Variants in SORCS1 observed in about 807,000 individuals in gnomAD.
SORCS1 encodes the protein VPS10 domain-containing receptor SorCS1.
A neutral mutation model predicts 146.1 loss-of-function variants in SORCS1; 60 were observed. That is an observed-to-expected ratio of 0.41 (90% CI 0.33 to 0.51). SORCS1 has a LOEUF of 0.51. Among genes scored for constraint, SORCS1 ranks in the 20% least tolerant of loss-of-function variants. The probability of loss-of-function intolerance (pLI) is 0.21; values close to 1 mark genes in which losing one functional copy is unlikely to be tolerated. For missense variants in SORCS1, 1,352 were observed against 1,487.6 expected, an observed-to-expected ratio of 0.91 and a Z score of 1.50; for synonymous variants, 637 against 584.0, an observed-to-expected ratio of 1.09 and a Z score of -1.31.
chr10:107,001,313 G>A lies in SORCS1; in HGVS notation c.559-44733C>T, dbSNP rs529574535. Among the ~76,000 whole-genome samples the A allele has an allele frequency of 2.0e-5, 3 of 152,278 alleles. No homozygotes were observed. The East Asian group carries it at 5.8e-4, about 29-fold the overall frequency. ...ATTACCTCTTTAGGCAGTGGGGAGT[G>A]CAATGGGAGGACTCTTGGCCAGGGA... On this transcript the variant is annotated intron_variant, in intron 1 of 25. Transcript: ENST00000263054.
chr10:106,980,369 C>G (rs923636073), intron 1 of SORCS1, among the ~76,000 whole-genome samples: 1 of 152,164 alleles, frequency 6.6e-6, no homozygotes, highest in Non-Finnish European at 1.5e-5. Context: ...CATGTTAAAC[C>G]AAGTTTGATG....
intron 18 of SORCS1, among the ~76,000 whole-genome samples, chr10:106,641,383 T>C (rs1849060935): frequency 1.3e-5 from 2 of 152,310 alleles, no homozygotes; most frequent in South Asian, 2.1e-4. Context: ...CTAGTATCAG[T>C]GTACCTAGCC....
chr10:106,597,423 T>A lies in SORCS1; in HGVS notation c.3193A>T (p.Asn1065Tyr). ...AGCTCGAAGTGTACTGAGTTTTGGT[T>A]GAGCGTGTGGATCAGCAATTCTGAT... Reference protein sequence around the residue: ...QISELLIHTLNQNSVHFELKP... With the variant: ...QISELLIHTLYQNSVHFELKP... The change falls in exon 24 of 26, where the codon AAC (asparagine) becomes TAC (tyrosine). Residue 1065 changes from asparagine (N) to tyrosine (Y), a missense_variant. Around this residue, in one of 3 missense-constraint regions of SORCS1, gnomAD observed 214 missense variants for 204.8 expected, o/e 1.05. Coordinates refer to ENST00000263054, the MANE Select transcript of SORCS1 (RefSeq NM_052918.5). The A allele has an allele frequency of 6.2e-7, 1 of 1,613,938 alleles. No homozygotes were observed. The highest frequency in any genetic ancestry group is 8.5e-7 in the Non-Finnish European group (1 of 1,179,854).
chr10:106,967,932 T>C (rs1216135974), intron 1 of SORCS1, among the ~76,000 whole-genome samples: 1 of 148,918 alleles, frequency 6.7e-6, no homozygotes, highest in Admixed American at 6.7e-5. Flanking sequence ...ATGCCGGGTG[T>C]GGTGGCTCAC....
At chr10:106,967,823 A>G (rs367553410) in intron 1 of SORCS1, among the ~76,000 whole-genome samples, 55 of 152,236 alleles carry the variant, frequency 3.6e-4, no homozygotes, top group Admixed American at 5.9e-4. Context: ...CAAACACAGA[A>G]AATGCACAGA....
chr10:107,053,674 G>A (rs1344718199), intron 1 of SORCS1, among the ~76,000 whole-genome samples: 2 of 152,092 alleles, frequency 1.3e-5, no homozygotes, highest in East Asian at 1.9e-4. Flanking sequence ...ATCTGCCTGG[G>A]GTAAAAGAAG....
intron 6 of SORCS1, among the ~76,000 whole-genome samples, chr10:106,729,715 T>G (rs892690857): frequency 2.6e-5 from 4 of 152,182 alleles, no homozygotes; most frequent in African/African-American, 9.7e-5. Context: ...TATTTATATT[T>G]ACAAATATAT....
intron 2 of SORCS1, among the ~76,000 whole-genome samples, chr10:106,881,076 CAAAAAAA>C (rs59128024): frequency 1.4e-5 from 1 of 69,168 alleles, no homozygotes; most frequent in Non-Finnish European, 2.7e-5. Context: ...GACTCTGTCT[CAAAAAAA>C]AAAAAAAAAA....
At chr10:107,033,267 C>A (rs1958749364) in intron 1 of SORCS1, among the ~76,000 whole-genome samples, 1 of 152,160 alleles carries the variant, frequency 6.6e-6, no homozygotes, top group African/African-American at 2.4e-5. Flanking sequence ...CAAAGGGGAA[C>A]CTCACCCCCA....
At chr10:107,072,569 C>T (rs1446291739) in intron 1 of SORCS1, among the ~76,000 whole-genome samples, 2 of 151,726 alleles carry the variant, frequency 1.3e-5, no homozygotes, top group Non-Finnish European at 2.9e-5. Flanking sequence ...ATACATATAT[C>T]TTCATATACT....
rs766818370 is a variant in SORCS1, at chr10:106,970,336, C to CTTTTTTTTTTTTTTTTT, written c.559-13773_559-13757dup. 1.5e-3 allele frequency among the ~76,000 whole-genome samples: 136 copies of CTTTTTTTTTTTTTTTTT among 89,412 alleles called. 14 individuals carry two copies. Among genetic ancestry groups the CTTTTTTTTTTTTTTTTT allele is most frequent in the Non-Finnish European group, 1.7e-3 (88 of 50,594 alleles). The allele number at this position is 89,412 out of a possible 152,430, so 58.7% of individuals were successfully genotyped here. On this transcript the variant is annotated intron_variant, in intron 1 of 25. Transcript: ENST00000263054. ...TTCCCTCCAAATGTAACCAACATCT[C>CTTTTTTTTTTTTTTTTT]TTTTTTTTTTTTTTTTTTTGAGATG...
At position 106,574,203 on chromosome 10, in the gene SORCS1, C is replaced by T. The variant is rs1177493152; in HGVS notation, c.*3217G>A. On this transcript the variant is annotated 3_prime_UTR_variant, in exon 26 of 26. Coordinates refer to ENST00000263054, the MANE Select transcript of SORCS1 (RefSeq NM_052918.5). The stretch of plus-strand genomic sequence containing the variant: ...ACTTCTGAAAAAAAAGCAAAGCAAA[C>T]CTCTGCATTTTGGACAGTGAATCCA... 6.6e-6 allele frequency: 1 copy of T among 152,546 alleles called. No individual in the cohort carries two copies. The highest frequency in any genetic ancestry group is 1.5e-5 in the Non-Finnish European group (1 of 68,030). The allele number at this position is 152,546 out of a possible 1,614,324, so 9.4% of individuals were successfully genotyped here.
intron 8 of SORCS1, among the ~76,000 whole-genome samples, chr10:106,705,345 A>G (rs1854441733): frequency 6.6e-6 from 1 of 152,150 alleles, no homozygotes; most frequent in Admixed American, 6.5e-5. Flanking sequence ...GAAGGGTGGT[A>G]GCCAAGAAAG....
Position 107,016,803 on chromosome 10 carries a change from T to C in SORCS1, c.559-60223A>G, listed in dbSNP as rs1047396725. Among the ~76,000 whole-genome samples, 16 of 152,156 alleles carry C rather than the reference T, an allele frequency of 1.1e-4. No individual in the cohort carries two copies. In the East Asian group the frequency reaches 2.7e-3, roughly 26 times the overall value. ...AGTAATAGATGACTCATACCATAAA[T>C]ATATAAAGAATCCTTCAATCAAAAG... On this transcript the variant is annotated intron_variant, in intron 1 of 25. Transcript: ENST00000263054.
At chr10:106,863,423 A>C (rs1230808935) in intron 2 of SORCS1, among the ~76,000 whole-genome samples, 2 of 151,842 alleles carry the variant, frequency 1.3e-5, no homozygotes, top group East Asian at 3.9e-4. Context: ...TACTCAGGAC[A>C]CTGAGGCAAG....
At chr10:107,008,387 A>G (rs7904421) in intron 1 of SORCS1, among the ~76,000 whole-genome samples, 23,164 of 152,202 alleles carry the variant, frequency 0.15, 5,776 homozygotes, top group African/African-American at 0.52. Flanking sequence ...TCTCTGGGAC[A>G]ACTAAACATG....
rs548518408 is a variant in SORCS1, at chr10:106,582,504, T to C, written c.3266-3030A>G. On this transcript the variant is annotated intron_variant, in intron 24 of 25. Coordinates refer to ENST00000263054, the MANE Select transcript of SORCS1 (RefSeq NM_052918.5). ...GGTGCCTGAGTATAAAGGGACCTAT[T>C]ATTGCTCCATACAACAGCAGCTGCA... 9.2e-5 allele frequency among the ~76,000 whole-genome samples: 14 copies of C among 152,272 alleles called. No individual in the cohort carries two copies. In the East Asian group the frequency reaches 2.1e-3, roughly 23 times the overall value.
At chr10:106,982,042 A>C (rs983087553) in intron 1 of SORCS1, among the ~76,000 whole-genome samples, 1 of 152,208 alleles carries the variant, frequency 6.6e-6, no homozygotes, top group African/African-American at 2.4e-5. Flanking sequence ...AGGCATCCAT[A>C]CATTAGCCGA....
chr10:106,608,831 T>C (rs983614317), intron 22 of SORCS1, among the ~76,000 whole-genome samples: 1 of 152,166 alleles, frequency 6.6e-6, no homozygotes, highest in African/African-American at 2.4e-5. Flanking sequence ...TGTAGGCCCA[T>C]GACAACTTCA....
Sources: gnomAD v4.1 joint callset for allele counts (sites outside exome capture counted in the v4.1 genomes callset) on GRCh38, gnomAD v4.1.1 for gene constraint, gnomAD v4.1.1 regional missense constraint, MANE v1.5 for transcripts, NCBI Gene and HGNC (gene_info 2026-07-23, HGNC 2026-07-21) for gene names.